The following TEC variants were observed in gnomAD, a reference collection of about 807,000 sequenced individuals.
TEC encodes the protein tec protein tyrosine kinase, also known as tyrosine-protein kinase Tec.
In TEC, 72 loss-of-function variants were observed where a neutral mutation model predicts 93.0. The observed-to-expected ratio is 0.77, with a 90% CI of 0.64 to 0.94. TEC has a LOEUF of 0.94. TEC is among the 40% of genes least tolerant of loss of function. The pLI, the probability that TEC is intolerant of heterozygous loss-of-function variation, is 0.00. For missense variants in TEC, 630 were observed against 757.9 expected, an observed-to-expected ratio of 0.83 and a Z score of 1.98; for synonymous variants, 249 against 247.7, an observed-to-expected ratio of 1.01 and a Z score of -0.05.
chr4:48,238,715 T>TATATAA (rs1396569663), intron 1 of TEC, among the ~76,000 whole-genome samples: 7 of 117,294 alleles, frequency 6.0e-5, no homozygotes, highest in Admixed American at 9.1e-5. Context: ...TATTTATATG[T>TATATAA]ATTTATATAT....
At chr4:48,146,279 T>C in intron 12 of TEC, 46 bp downstream of exon 12, 2 of 1,566,898 alleles carry the variant, frequency 1.3e-6, no homozygotes. Context: ...GACAATGGAT[T>C]CTTTTCAAGG....
intron 1 of TEC, among the ~76,000 whole-genome samples, chr4:48,232,004 T>C (rs577883606): frequency 1.4e-4 from 21 of 152,078 alleles, no homozygotes; most frequent in African/African-American, 5.1e-4. Context: ...AATCACCTTA[T>C]CTGTCCATGT....
intron 17 of TEC, 43 bp from the exon 18 acceptor site, chr4:48,137,542 A>C (rs1415203696): frequency 1.3e-6 from 2 of 1,563,710 alleles, no homozygotes; most frequent in Admixed American, 3.4e-5. Context: ...TCCAGAATCC[A>C]TTCCACAAAA....
chr4:48,184,107 C>T (rs1441229198), intron 2 of TEC, among the ~76,000 whole-genome samples: 9 of 152,172 alleles, frequency 5.9e-5, no homozygotes, highest in Non-Finnish European at 1.3e-4. Flanking sequence ...ACCAGCAATA[C>T]ATTAGCCTCT....
intron 2 of TEC, among the ~76,000 whole-genome samples, chr4:48,211,734 T>C (rs766385507): frequency 6.6e-6 from 1 of 152,200 alleles, no homozygotes; most frequent in Non-Finnish European, 1.5e-5. Flanking sequence ...AAATGTACCA[T>C]TTAACAAAAC....
chr4:48,170,361 T>C lies in TEC; in HGVS notation c.341A>G (p.Asn114Ser). 1 of 1,415,372 alleles carries C rather than the reference T, an allele frequency of 7.1e-7. No individual in the cohort carries two copies. The highest frequency in any genetic ancestry group is 9.9e-7 in the Non-Finnish European group (1 of 1,009,176). 87.7% of individuals were successfully genotyped at this position (1,415,372 alleles called of 1,614,324 possible). ...KKLKEEIKNNNNIMIKYHPKF... is the reference protein window; with the variant it reads ...KKLKEEIKNNSNIMIKYHPKF... ...AGGATGATATTTAATCATAATATTA[T>C]TGTTGTTCTTTATTTCTGTAATTCA... The change falls in exon 5 of 18, where the codon AAT (asparagine) becomes AGT (serine). Residue 114 changes from asparagine to serine, a missense_variant. Coordinates refer to ENST00000381501, the MANE Select transcript of TEC (RefSeq NM_003215.3).
intron 1 of TEC, among the ~76,000 whole-genome samples, chr4:48,233,701 A>G (rs1723705023): frequency 6.6e-6 from 1 of 152,058 alleles, no homozygotes; most frequent in Non-Finnish European, 1.5e-5. Flanking sequence ...AGGTCAAGAC[A>G]CAGCCAAAAT....
At chr4:48,262,350 C>A (rs1024679236) in intron 1 of TEC, among the ~76,000 whole-genome samples, 2 of 151,666 alleles carry the variant, frequency 1.3e-5, no homozygotes, top group African/African-American at 4.8e-5. Context: ...GCACGTGCCA[C>A]CAGGCCCACC....
intron 1 of TEC, among the ~76,000 whole-genome samples, chr4:48,233,639 T>TAA (rs35651049): frequency 1.3e-5 from 2 of 150,098 alleles, no homozygotes; most frequent in African/African-American, 2.4e-5. Context: ...AAGAAAATGT[T>TAA]AAAAAAAACT....
Position 48,137,435 on chromosome 4 carries a change from T to A in TEC, c.1877A>T (p.Glu626Val). The change falls in exon 18 of 18, where the codon GAA (glutamate) becomes GTA (valine). Residue 626 changes from glutamate (E) to valine (V), a missense_variant. Coordinates refer to ENST00000381501, the MANE Select transcript of TEC (RefSeq NM_003215.3). ...LRTIDELVEC[E>V]ETFGR ...CATCACTTATCTTCCAAAAGTTTCT[T>A]CACATTCAACTAGTTCATCTATTGT... is the stretch of plus-strand genomic sequence containing the variant. The A allele has an allele frequency of 6.2e-7, 1 of 1,614,118 alleles. No individual in the cohort carries two copies. Among genetic ancestry groups the A allele is most frequent in the African/African-American group, 1.3e-5 (1 of 75,048 alleles).
chr4:48,263,142 G>T (rs1190666907), intron 1 of TEC, among the ~76,000 whole-genome samples: 2 of 152,154 alleles, frequency 1.3e-5, no homozygotes, highest in Non-Finnish European at 2.9e-5. Context: ...GGGTACATCA[G>T]CCCAGCCAGA....
rs200896687 is a variant in TEC at position 48,232,296 on chromosome 4, C to CA, written c.-45-3638dup. 4.3e-3 allele frequency among the ~76,000 whole-genome samples: 550 copies of CA among 128,714 alleles called. 4 individuals carry two copies. Among genetic ancestry groups the CA allele is most frequent in the African/African-American group, 1.0e-2 (284 of 28,538 alleles). The allele number at this position is 128,714 out of a possible 152,430, so 84.4% of individuals were successfully genotyped here. On this transcript the variant is annotated intron_variant, in intron 1 of 17. Transcript: ENST00000381501. ...AGGGCAAGACTCTGTCTCAAAAAAACAAAAAAAACAAAACAAAAAAAAAAC... is the reference window on the plus strand; with the variant it reads ...AGGGCAAGACTCTGTCTCAAAAAAACAAAAAAAAACAAAACAAAAAAAAAAC...
At chr4:48,155,119 T>C (rs775343933) in intron 9 of TEC, among the ~76,000 whole-genome samples, 1 of 152,152 alleles carries the variant, frequency 6.6e-6, no homozygotes, top group South Asian at 2.1e-4. Flanking sequence ...AAACATAAAA[T>C]CATAAAGGTT....
chr4:48,218,518 C>A (rs990813039), intron 2 of TEC, among the ~76,000 whole-genome samples: 2 of 152,128 alleles, frequency 1.3e-5, no homozygotes, highest in African/African-American at 4.8e-5. Context: ...CCCGGTAGTA[C>A]AAGAAATTAT....
chr4:48,224,855 C>A (rs1339096874), intron 2 of TEC, among the ~76,000 whole-genome samples: 1 of 152,062 alleles, frequency 6.6e-6, no homozygotes, highest in Non-Finnish European at 1.5e-5. Flanking sequence ...AAGAAGCTGT[C>A]CAGAGAATAA....
At chr4:48,230,070 C>T (rs1332338678) in intron 1 of TEC, among the ~76,000 whole-genome samples, 4 of 117,132 alleles carry the variant, frequency 3.4e-5, no homozygotes, top group East Asian at 4.9e-4. Flanking sequence ...AGCGAAACTC[C>T]GTCTCAATAA....
At chr4:48,208,117 C>T (rs1321768669) in intron 2 of TEC, among the ~76,000 whole-genome samples, 1 of 152,144 alleles carries the variant, frequency 6.6e-6, no homozygotes, top group Non-Finnish European at 1.5e-5. Flanking sequence ...AAAGTCTGAG[C>T]AGAGGGTGGG....
chr4:48,217,314 G>A (rs957228686), intron 2 of TEC, among the ~76,000 whole-genome samples: 1 of 152,148 alleles, frequency 6.6e-6, no homozygotes, highest in African/African-American at 2.4e-5. Context: ...ATGTTGGCTA[G>A]GCTGGTCTCG....
intron 2 of TEC, among the ~76,000 whole-genome samples, chr4:48,218,339 T>C (rs1723145178): frequency 6.6e-6 from 1 of 152,170 alleles, no homozygotes; most frequent in African/African-American, 2.4e-5. Context: ...TTGTTGTTGT[T>C]ATACAGAAGA....
Sources: allele counts gnomAD v4.1 joint callset (sites outside exome capture counted in the v4.1 genomes callset), GRCh38; gene constraint gnomAD v4.1.1; transcripts MANE v1.5; gene names NCBI Gene and HGNC (gene_info 2026-07-23, HGNC 2026-07-21).